PHYHIPL: variants seen among roughly 807,000 people sequenced by gnomAD.
The protein encoded by PHYHIPL is phytanoyl-CoA 2-hydroxylase interacting protein like.
A neutral mutation model predicts 33.4 loss-of-function variants in PHYHIPL; 9 were observed. The observed-to-expected ratio is 0.27, with a 90% CI of 0.16 to 0.47. The LOEUF is 0.47. Ranked by LOEUF, PHYHIPL falls within the 20% of genes least tolerant of loss-of-function variation. The pLI is 0.99. For missense variants in PHYHIPL, 365 were observed against 460.7 expected, an observed-to-expected ratio of 0.79 and a Z score of 1.90; for synonymous variants, 153 against 154.1, an observed-to-expected ratio of 0.99 and a Z score of 0.05.
chr10:59,209,051 A>G (rs1184176381), intron 1 of PHYHIPL, among the ~76,000 whole-genome samples: 1 of 152,094 alleles, frequency 6.6e-6, no homozygotes, highest in East Asian at 1.9e-4. Flanking sequence ...AGGCAGGCCA[A>G]TATTCAAATT....
chr10:59,200,424 A>G (rs1261924713), intron 1 of PHYHIPL, among the ~76,000 whole-genome samples: 1 of 152,162 alleles, frequency 6.6e-6, no homozygotes, highest in Non-Finnish European at 1.5e-5. Flanking sequence ...ATTGTGGTGG[A>G]TAAGCTTTTT....
chr10:59,217,151 G>A (rs977589994), intron 1 of PHYHIPL, among the ~76,000 whole-genome samples: 2 of 151,996 alleles, frequency 1.3e-5, no homozygotes, highest in African/African-American at 4.8e-5. Flanking sequence ...GTTATGTCCT[G>A]TATTTATTTT....
At chr10:59,211,757 C>T (rs1297243539) in intron 1 of PHYHIPL, among the ~76,000 whole-genome samples, 1 of 149,240 alleles carries the variant, frequency 6.7e-6, no homozygotes, top group African/African-American at 2.5e-5. Flanking sequence ...AGCACAGCAT[C>T]TGAATAAACT....
chr10:59,178,288 G>T (rs1487696480), intron 1 of PHYHIPL, among the ~76,000 whole-genome samples: 1 of 151,774 alleles, frequency 6.6e-6, no homozygotes, highest in South Asian at 2.1e-4. Context: ...AAATAAATAC[G>T]TTTGCAAAGA....
intron 1 of PHYHIPL, among the ~76,000 whole-genome samples, chr10:59,206,227 A>G (rs1839281470): frequency 1.3e-5 from 2 of 152,132 alleles, no homozygotes; most frequent in African/African-American, 4.8e-5. Flanking sequence ...GAACTGTACA[A>G]CTTGCTGGTA....
At position 59,245,649 on chromosome 10, in the gene PHYHIPL, C is replaced by CTGT. The variant is rs1395531346; in HGVS notation, c.*62_*64dup. 1.1e-5 allele frequency: 16 copies of CTGT among 1,490,940 alleles called. No homozygotes were observed. The African/African-American group carries it at 2.2e-4, about 21-fold the overall frequency. The allele number at this position is 1,490,940 out of a possible 1,614,324, so 92.4% of individuals were successfully genotyped here. The stretch of plus-strand genomic sequence containing the variant: ...TTCCTCCCTTAGGAGCATTGGTCCT[C>CTGT]TGTTGTCCATTTTTATCACCAGATG... On this transcript the variant is annotated 3_prime_UTR_variant, in exon 5 of 5. Coordinates refer to ENST00000373880, the MANE Select transcript of PHYHIPL (RefSeq NM_032439.4).
At chr10:59,181,388 A>C (rs1368428574) in intron 1 of PHYHIPL, among the ~76,000 whole-genome samples, 1 of 152,156 alleles carries the variant, frequency 6.6e-6, no homozygotes, top group Non-Finnish European at 1.5e-5. Flanking sequence ...AAGAATAGTA[A>C]ATTTTGAAAT....
intron 4 of PHYHIPL, among the ~76,000 whole-genome samples, chr10:59,243,397 C>G (rs1840483739): frequency 6.6e-6 from 1 of 151,848 alleles, no homozygotes. Flanking sequence ...GTTTCTGAAA[C>G]AGGAAGGAAG....
chr10:59,217,735 A>G (rs188541166), intron 1 of PHYHIPL, among the ~76,000 whole-genome samples: 193 of 152,166 alleles, frequency 1.3e-3, no homozygotes, highest in Non-Finnish European at 2.4e-3. Flanking sequence ...ACTTTAATGT[A>G]TTTATGATGA....
At chr10:59,221,598 A>G in intron 1 of PHYHIPL, 1 of 726,768 alleles carries the variant, frequency 1.4e-6, no homozygotes, top group Non-Finnish European at 1.7e-6. Context: ...TTTAAATAGG[A>G]GTGTGAAGCC....
chr10:59,181,999 T>C lies in PHYHIPL; in HGVS notation c.106+5040T>C, dbSNP rs765087439. Among the ~76,000 whole-genome samples the C allele has an allele frequency of 7.2e-4, 109 of 152,236 alleles. 1 individual carries two copies. The highest frequency in any genetic ancestry group is 6.5e-4 in the Non-Finnish European group (44 of 68,036). On this transcript the variant is annotated intron_variant, in intron 1 of 4. Transcript: ENST00000373880. ...CATTCAAATTACTTGGTTTTATCTC[T>C]ACTGATATTTCTTCCTAAATTAGGC...
intron 1 of PHYHIPL, among the ~76,000 whole-genome samples, chr10:59,178,997 A>C (rs1431644653): frequency 6.6e-6 from 1 of 152,164 alleles, no homozygotes; most frequent in Non-Finnish European, 1.5e-5. Context: ...ATACACCAAC[A>C]AATACAAAGA....
chr10:59,192,960 T>C (rs1443149603), intron 1 of PHYHIPL, among the ~76,000 whole-genome samples: 1 of 152,176 alleles, frequency 6.6e-6, no homozygotes, highest in African/African-American at 2.4e-5. Flanking sequence ...AATTTTCATC[T>C]GTGTCTCATA....
chr10:59,236,447 T>C, intron 2 of PHYHIPL, 36 bp from the exon 3 acceptor site: 1 of 1,344,454 alleles, frequency 7.4e-7, no homozygotes, highest in Non-Finnish European at 1.0e-6. Flanking sequence ...CTGTCTCCCC[T>C]CATTTTTCTC....
At chr10:59,207,597 GA>G (rs1564708576) in intron 1 of PHYHIPL, among the ~76,000 whole-genome samples, 1 of 152,090 alleles carries the variant, frequency 6.6e-6, no homozygotes. Flanking sequence ...ATCTCTGAAA[GA>G]AAGGCAGCAG....
chr10:59,242,440 A>G (rs1840434690), intron 4 of PHYHIPL, among the ~76,000 whole-genome samples: 1 of 152,180 alleles, frequency 6.6e-6, no homozygotes, highest in Non-Finnish European at 1.5e-5. Context: ...GAGGCCTGCT[A>G]AAAATGCTAG....
At chr10:59,196,928 G>A (rs1200707793) in intron 1 of PHYHIPL, among the ~76,000 whole-genome samples, 7 of 152,064 alleles carry the variant, frequency 4.6e-5, no homozygotes, top group East Asian at 1.9e-4. Flanking sequence ...GTATTTTAAC[G>A]TGATGTTGTA....
intron 1 of PHYHIPL, among the ~76,000 whole-genome samples, chr10:59,196,707 G>A (rs932667749): frequency 4.1e-4 from 62 of 152,070 alleles, no homozygotes; most frequent in African/African-American, 2.4e-4. Context: ...GTGAGCCACC[G>A]CGCCCGGCCA....
At chr10:59,230,588 A>G (rs1407027909) in intron 1 of PHYHIPL, among the ~76,000 whole-genome samples, 2 of 152,150 alleles carry the variant, frequency 1.3e-5, no homozygotes, top group Non-Finnish European at 2.9e-5. Context: ...ATGAAATTGT[A>G]TCTTAAGCTT....
Sources: gnomAD v4.1 joint callset for allele counts (sites outside exome capture counted in the v4.1 genomes callset) on GRCh38, gnomAD v4.1.1 for gene constraint, MANE v1.5 for transcripts, NCBI Gene and HGNC (gene_info 2026-07-23, HGNC 2026-07-21) for gene names.